Variants in QPCT observed in about 807,000 individuals in gnomAD.
The protein encoded by QPCT is glutaminyl-peptide cyclotransferase, also known as EC.
QPCT carries 44 observed loss-of-function variants against 43.4 expected under a neutral mutation model. The ratio of observed to expected loss-of-function variants is 1.01; its 90% CI spans 0.80 to 1.30. The LOEUF (loss-of-function observed/expected upper bound fraction) is 1.30, where lower values mean the gene tolerates loss of function less well. QPCT is among the 50% of genes most tolerant of loss of function. QPCT has a pLI of 0.00. For synonymous variants in QPCT, 168 were observed against 168.4 expected (o/e 1.00, Z 0.02); for missense variants, 526 against 436.5 (o/e 1.21, Z -1.83).
intron 3 of QPCT, among the ~76,000 whole-genome samples, chr2:37,363,659 TAAAAAA>T (rs58100358): frequency 3.8e-5 from 3 of 79,446 alleles, no homozygotes; most frequent in African/African-American, 9.8e-5. Context: ...TTTTAAAATG[TAAAAAA>T]AAAAAAAAAA....
intron 1 of QPCT, among the ~76,000 whole-genome samples, chr2:37,348,441 CAGA>C (rs1297801869): frequency 6.6e-6 from 1 of 152,186 alleles, no homozygotes; most frequent in African/African-American, 2.4e-5. Flanking sequence ...ATCCGACACA[CAGA>C]AGGAGTTCAG....
chr2:37,359,135 A>G (rs962372153), intron 2 of QPCT, among the ~76,000 whole-genome samples: 6 of 152,156 alleles, frequency 3.9e-5, no homozygotes, highest in African/African-American at 1.4e-4. Flanking sequence ...ACTTGTAGAC[A>G]TGTCCATAAT....
In QPCT at chr2:37,372,476, A is replaced by ATGTGTGTGTGTGTGTGTGTTTGTG; in HGVS notation, c.940+13_940+36dup. On this transcript the variant is annotated splice_donor_region_variant and intron_variant, in intron 6 of 6. Coordinates refer to ENST00000338415, the MANE Select transcript of QPCT (RefSeq NM_012413.4). ...CATATTCCATTTTTAAGAAGAGGTA[A>ATGTGTGTGTGTGTGTGTGTTTGTG]TGTGTGTGTGTGTGTGTGTTTGTGT... The ATGTGTGTGTGTGTGTGTGTTTGTG allele has an allele frequency of 6.4e-7, 1 of 1,559,822 alleles. No homozygotes were observed. Among genetic ancestry groups the ATGTGTGTGTGTGTGTGTGTTTGTG allele is most frequent in the Non-Finnish European group, 8.8e-7 (1 of 1,137,620 alleles).
chr2:37,369,349 T>C (rs1673026463), intron 4 of QPCT, among the ~76,000 whole-genome samples: 1 of 152,240 alleles, frequency 6.6e-6, no homozygotes, highest in South Asian at 2.1e-4. Context: ...TCAGATAGGC[T>C]TGGACTCCTT....
intron 3 of QPCT, among the ~76,000 whole-genome samples, chr2:37,362,787 G>A (rs1035164164): frequency 8.5e-5 from 13 of 152,332 alleles, no homozygotes; most frequent in African/African-American, 2.9e-4. Context: ...AGGAATTAGA[G>A]ATGTGATAAG....
intron 3 of QPCT, chr2:37,360,110 G>T: frequency 2.2e-6 from 1 of 462,548 alleles, no homozygotes; most frequent in South Asian, 2.8e-5. Flanking sequence ...TAAATTAAAT[G>T]CAACATTTCT....
rs1181018684 is a variant in QPCT at position 37,372,339 on chromosome 2, A to G, written c.824-17A>G. The G allele has an allele frequency of 6.5e-6, 10 of 1,528,498 alleles. No individual in the cohort carries two copies. The highest frequency in any genetic ancestry group is 2.7e-5 in the African/African-American group (2 of 73,128). 94.7% of individuals were successfully genotyped at this position (1,528,498 alleles called of 1,614,324 possible). ...ATAAAAATAGTTGTTCATTTACTGT[A>G]TAATTGTCATCTACAGAACATGAAC... is the stretch of plus-strand genomic sequence containing the variant. On this transcript the variant is annotated splice_polypyrimidine_tract_variant and intron_variant, in intron 5 of 6. Transcript: ENST00000338415.
intron 4 of QPCT, 121 bp downstream of exon 4, chr2:37,367,529 A>G: frequency 1.0e-6 from 1 of 1,004,528 alleles, no homozygotes; most frequent in Non-Finnish European, 1.4e-6. Flanking sequence ...TGTTTATGAT[A>G]GAACATTCCT....
At chr2:37,368,788 C>T (rs1213296496) in intron 4 of QPCT, 6 of 413,984 alleles carry the variant, frequency 1.4e-5, no homozygotes, top group Middle Eastern at 5.4e-4. Flanking sequence ...ATATATGAAG[C>T]CACAGTGATT....
chr2:37,352,753 AG>A, intron 1 of QPCT, 35 bp from the exon 2 acceptor site: 1 of 1,605,212 alleles, frequency 6.2e-7, no homozygotes, highest in Non-Finnish European at 8.5e-7. Context: ...ATGTTATGAA[AG>A]GATAGCTAGT....
In QPCT at chr2:37,372,704, A is replaced by G. The variant is rs1204611195; in HGVS notation, c.963A>G (p.Ile321Met). The stretch of plus-strand genomic sequence containing the variant: ...TAGGTGTTCCAGTTCTGCATCTGAT[A>G]CCGTCTCCTTTCCCTGAAGTCTGGC... ...LRRGVPVLHL[I>M]PSPFPEVWHT... Residue 321 changes from isoleucine to methionine, a missense_variant, in exon 7 of 7, where the codon ATA (isoleucine) becomes ATG (methionine). Ile to Met is a conservative substitution (Grantham distance 10). Transcript: ENST00000338415. 6.2e-7 allele frequency: 1 copy of G among 1,613,532 alleles called. No homozygotes were observed. Among genetic ancestry groups the G allele is most frequent in the Non-Finnish European group, 8.5e-7 (1 of 1,179,808 alleles).
chr2:37,348,934 C>T (rs939216101), intron 1 of QPCT, among the ~76,000 whole-genome samples: 2 of 152,202 alleles, frequency 1.3e-5, no homozygotes, highest in African/African-American at 4.8e-5. Flanking sequence ...CTGCTGAGCT[C>T]GCTCTTTCTT....
intron 3 of QPCT, among the ~76,000 whole-genome samples, chr2:37,361,211 T>C (rs1672851984): frequency 6.6e-6 from 1 of 152,144 alleles, no homozygotes; most frequent in Admixed American, 6.5e-5. Context: ...ATTCTTCCAG[T>C]TATATGTTTT....
chr2:37,372,918 T>C lies in QPCT; in HGVS notation c.*91T>C. On this transcript the variant is annotated 3_prime_UTR_variant, in exon 7 of 7. Coordinates refer to ENST00000338415, the MANE Select transcript of QPCT (RefSeq NM_012413.4). ...ATAATCTGATTTCAGACAAATGCTG[T>C]GTGGAAACATCTATCCTATAGATCA... is the stretch of plus-strand genomic sequence containing the variant. The C allele has an allele frequency of 8.8e-7, 1 of 1,139,858 alleles. No homozygotes were observed. The allele number at this position is 1,139,858 out of a possible 1,614,324, so 70.6% of individuals were successfully genotyped here. A position where few individuals can be genotyped will look rare whatever the true frequency, so the allele number is the denominator to read the frequency against.
intron 5 of QPCT, among the ~76,000 whole-genome samples, chr2:37,371,013 C>T (rs927917807): frequency 1.3e-5 from 2 of 152,180 alleles, no homozygotes; most frequent in African/African-American, 4.8e-5. Flanking sequence ...AAAACACTGC[C>T]ATCATAACTC....
chr2:37,349,413 A>T (rs1023089524), intron 1 of QPCT, among the ~76,000 whole-genome samples: 4 of 152,144 alleles, frequency 2.6e-5, no homozygotes, highest in Non-Finnish European at 5.9e-5. Flanking sequence ...GTAGTTAAAG[A>T]TGCTTGGGGG....
chr2:37,354,881 C>A (rs1672708910), intron 2 of QPCT, among the ~76,000 whole-genome samples: 1 of 152,004 alleles, frequency 6.6e-6, no homozygotes, highest in South Asian at 2.1e-4. Context: ...AAATGATATG[C>A]ATACTTCAGG....
chr2:37,362,912 C>T (rs1234919436), intron 3 of QPCT, among the ~76,000 whole-genome samples: 1 of 151,946 alleles, frequency 6.6e-6, no homozygotes, highest in African/African-American at 2.4e-5. Context: ...GTGAGTGCCC[C>T]CTTGTGCCTT....
chr2:37,347,189 TATAA>T (rs1439160562), intron 1 of QPCT, among the ~76,000 whole-genome samples: 8 of 92,922 alleles, frequency 8.6e-5, no homozygotes, highest in Admixed American at 1.5e-4. Context: ...AACATATATA[TATAA>T]CATATATATA....
Sources: allele counts gnomAD v4.1 joint callset (sites outside exome capture counted in the v4.1 genomes callset), GRCh38; gene constraint gnomAD v4.1.1; transcripts MANE v1.5; gene names NCBI Gene and HGNC (gene_info 2026-07-23, HGNC 2026-07-21).